Variants in SGCZ observed in about 807,000 individuals in gnomAD.
SGCZ encodes zeta-sarcoglycan.
SGCZ carries 40 observed loss-of-function variants against 41.3 expected under a neutral mutation model. The ratio of observed to expected loss-of-function variants is 0.97; its 90% CI spans 0.75 to 1.26. SGCZ has a LOEUF of 1.26. Ranked by LOEUF, SGCZ falls within the 50% of genes most tolerant of loss-of-function variation. The pLI is 0.00. For synonymous variants in SGCZ, 206 were observed against 137.5 expected (o/e 1.50, Z -3.49); for missense variants, 552 against 369.8 (o/e 1.49, Z -4.04).
At chr8:14,167,155 A>T (rs1206037951) in intron 4 of SGCZ, among the ~76,000 whole-genome samples, 1 of 152,158 alleles carries the variant, frequency 6.6e-6, no homozygotes, top group Non-Finnish European at 1.5e-5. Flanking sequence ...ATAGTCAATT[A>T]TTAGGGATAT....
At chr8:14,863,889 T>G (rs925919614) in intron 1 of SGCZ, among the ~76,000 whole-genome samples, 1 of 152,100 alleles carries the variant, frequency 6.6e-6, no homozygotes, top group Non-Finnish European at 1.5e-5. Context: ...TGATCTCTCT[T>G]TAGATGAAAA....
At chr8:14,666,444 G>C (rs73664429) in intron 1 of SGCZ, among the ~76,000 whole-genome samples, 1 of 152,244 alleles carries the variant, frequency 6.6e-6, no homozygotes, top group East Asian at 1.9e-4. Context: ...TCACAAAAAC[G>C]TTAGTGTCCT....
chr8:14,204,616 T>C (rs904855619), intron 4 of SGCZ, among the ~76,000 whole-genome samples: 1 of 152,070 alleles, frequency 6.6e-6, no homozygotes, highest in African/African-American at 2.4e-5. Flanking sequence ...TGTGTATGAG[T>C]CTTTGAATTG....
At chr8:14,519,507 C>A (rs193049180) in intron 2 of SGCZ, among the ~76,000 whole-genome samples, 2 of 151,962 alleles carry the variant, frequency 1.3e-5, no homozygotes, top group Admixed American at 1.3e-4. Context: ...TACATTGCAA[C>A]GTTCATGTTA....
At chr8:14,298,390 G>C (rs1436417125) in intron 3 of SGCZ, among the ~76,000 whole-genome samples, 1 of 151,656 alleles carries the variant, frequency 6.6e-6, no homozygotes, top group Non-Finnish European at 1.5e-5. Context: ...ATAATACTAA[G>C]ATTGAAAAAA....
At chr8:14,114,159 G>A (rs944863853) in intron 5 of SGCZ, among the ~76,000 whole-genome samples, 3 of 151,868 alleles carry the variant, frequency 2.0e-5, no homozygotes, top group Admixed American at 6.6e-5. Flanking sequence ...TACTGATCAT[G>A]GATTCTGCTA....
intron 2 of SGCZ, among the ~76,000 whole-genome samples, chr8:14,385,898 G>A (rs1467550232): frequency 6.6e-6 from 1 of 151,940 alleles, no homozygotes. Context: ...TATGTAAAAT[G>A]GCATAGTATT....
chr8:14,847,126 A>AAGAAAGAAGAAGAAG (rs761276429), intron 1 of SGCZ, among the ~76,000 whole-genome samples: 6 of 126,446 alleles, frequency 4.7e-5, no homozygotes, highest in Non-Finnish European at 8.2e-5. Context: ...GAAGAAGAAG[A>AAGAAAGAAGAAGAAG]AAGAAGAAGA....
At chr8:14,244,165 TTCC>T (rs1394340695) in intron 3 of SGCZ, among the ~76,000 whole-genome samples, 1 of 150,436 alleles carries the variant, frequency 6.6e-6, no homozygotes, top group Admixed American at 6.7e-5. Flanking sequence ...CTCTTCCTTC[TTCC>T]TCCTCCTCTT....
chr8:14,519,425 A>G (rs1373397083), intron 2 of SGCZ, among the ~76,000 whole-genome samples: 1 of 152,174 alleles, frequency 6.6e-6, no homozygotes, highest in Non-Finnish European at 1.5e-5. Flanking sequence ...TTACTGACAT[A>G]TTTCTAATTA....
In SGCZ at chr8:14,102,484, G is replaced by A. The variant is rs764073970; in HGVS notation, c.636C>T (p.Thr212=). The A allele has an allele frequency of 1.4e-6, 2 of 1,456,994 alleles. No individual in the cohort carries two copies. Among genetic ancestry groups the A allele is most frequent in the Non-Finnish European group, 1.8e-6 (2 of 1,087,110 alleles). 90.3% of individuals were successfully genotyped at this position (1,456,994 alleles called of 1,614,324 possible). Residue 212 remains threonine (T), a synonymous_variant, in exon 7 of 8, where the codon ACC becomes ACT. Transcript: ENST00000382080. The part of the protein sequence containing the change: ...PSQDLRLESP[T]RSLIMEAPRG... ...GGGGAGCTTCCATGATCAAGGATCTGGTGGGTGATTCAAGCCTAAGGGAAA... is the reference window on the plus strand; with the variant it reads ...GGGGAGCTTCCATGATCAAGGATCTAGTGGGTGATTCAAGCCTAAGGGAAA...
At chr8:15,214,309 C>T (rs1801330343) in intron 1 of SGCZ, among the ~76,000 whole-genome samples, 1 of 151,922 alleles carries the variant, frequency 6.6e-6, no homozygotes. Flanking sequence ...TGCAAAACAG[C>T]CTGAAAAGCA....
intron 2 of SGCZ, among the ~76,000 whole-genome samples, chr8:14,379,064 G>A (rs924018835): frequency 2.0e-5 from 3 of 151,874 alleles, no homozygotes; most frequent in Admixed American, 2.0e-4. Context: ...CACTTATATG[G>A]GGAAAAAATA....
At chr8:14,915,192 T>C (rs1799396164) in intron 1 of SGCZ, among the ~76,000 whole-genome samples, 1 of 152,152 alleles carries the variant, frequency 6.6e-6, no homozygotes. Context: ...TAAATAACAA[T>C]TTACAAATAT....
intron 1 of SGCZ, among the ~76,000 whole-genome samples, chr8:14,631,150 C>A (rs929902552): frequency 6.6e-6 from 1 of 151,920 alleles, no homozygotes; most frequent in African/African-American, 2.4e-5. Context: ...CTATTCATTG[C>A]GCCACTCGAA....
At chr8:14,623,917 G>A (rs993333430) in intron 1 of SGCZ, among the ~76,000 whole-genome samples, 1 of 152,100 alleles carries the variant, frequency 6.6e-6, no homozygotes, top group Non-Finnish European at 1.5e-5. Flanking sequence ...TTTCTGTGAG[G>A]GAGAAATAAA....
At chr8:14,740,141 T>C (rs527552660) in intron 1 of SGCZ, among the ~76,000 whole-genome samples, 1 of 152,160 alleles carries the variant, frequency 6.6e-6, no homozygotes, top group East Asian at 1.9e-4. Flanking sequence ...TAGAGGTTAC[T>C]TTCAGCTTGA....
intron 1 of SGCZ, among the ~76,000 whole-genome samples, chr8:14,585,582 G>A (rs1370335818): frequency 3.9e-5 from 6 of 151,906 alleles, no homozygotes; most frequent in African/African-American, 9.7e-5. Flanking sequence ...GTATTTTAGT[G>A]TCTTTTAAAG....
chr8:14,625,735 G>A (rs1486630338), intron 1 of SGCZ, among the ~76,000 whole-genome samples: 1 of 152,090 alleles, frequency 6.6e-6, no homozygotes, highest in Non-Finnish European at 1.5e-5. Flanking sequence ...CTGGCTAGAA[G>A]TGAACAGTGT....
Sources: allele counts gnomAD v4.1 joint callset (sites outside exome capture counted in the v4.1 genomes callset), GRCh38; gene constraint gnomAD v4.1.1; transcripts MANE v1.5; gene names NCBI Gene and HGNC (gene_info 2026-07-23, HGNC 2026-07-21).